Variants in AKT3 observed in about 807,000 individuals in gnomAD.
AKT3 encodes AKT serine/threonine kinase 3.
A neutral mutation model predicts 65.3 loss-of-function variants in AKT3; 15 were observed. The ratio of observed to expected loss-of-function variants is 0.23; its 90% confidence interval spans 0.15 to 0.35. The LOEUF is 0.35. Ranked by LOEUF, AKT3 falls within the 10% of genes least tolerant of loss-of-function variation. The pLI, the probability that AKT3 is intolerant of heterozygous loss-of-function variation, is 1.00. For missense variants in AKT3, 243 were observed against 576.5 expected, an observed-to-expected ratio of 0.42 and a Z score of 5.92; for synonymous variants, 206 against 183.8, an observed-to-expected ratio of 1.12 and a Z score of -0.98.
chr1:243,750,859 G>A (rs1159771450), intron 2 of AKT3, among the ~76,000 whole-genome samples: 1 of 151,920 alleles, frequency 6.6e-6, no homozygotes, highest in Admixed American at 6.6e-5. Context: ...TGGGATTACA[G>A]GTATGAGCCA....
intron 2 of AKT3, among the ~76,000 whole-genome samples, chr1:243,795,831 T>C (rs557387450): frequency 6.6e-6 from 1 of 152,100 alleles, no homozygotes; most frequent in Non-Finnish European, 1.5e-5. Flanking sequence ...TCCAGACAGC[T>C]CTTCATTAAT....
At chr1:243,752,785 C>T (rs1482396441) in intron 2 of AKT3, among the ~76,000 whole-genome samples, 1 of 152,104 alleles carries the variant, frequency 6.6e-6, no homozygotes, top group Non-Finnish European at 1.5e-5. Context: ...TCATAAAGGT[C>T]TATTAACAGT....
intron 11 of AKT3, chr1:243,548,108 G>C (rs1672801351): frequency 1.3e-5 from 2 of 152,146 alleles, no homozygotes; most frequent in South Asian, 4.1e-4. Context: ...GCTTGTGCTT[G>C]GGGAACCAGA....
At chr1:243,737,265 C>A (rs759030989) in intron 2 of AKT3, among the ~76,000 whole-genome samples, 3 of 152,162 alleles carry the variant, frequency 2.0e-5, no homozygotes. Flanking sequence ...GGGGTGATAG[C>A]GCTTTCCTCA....
At chr1:243,686,514 A>G (rs549914394) in intron 3 of AKT3, among the ~76,000 whole-genome samples, 9 of 150,750 alleles carry the variant, frequency 6.0e-5, no homozygotes, top group Non-Finnish European at 1.2e-4. Flanking sequence ...TCCTCACTCC[A>G]ATGTAATTTA....
chr1:243,489,724 G>C (rs972868628), intron 13 of AKT3, among the ~76,000 whole-genome samples: 8 of 152,140 alleles, frequency 5.3e-5, no homozygotes, highest in Admixed American at 2.0e-4. Flanking sequence ...TGTCTTCATG[G>C]TTTAGATAGG....
At chr1:243,623,707 T>C (rs190758882) in intron 6 of AKT3, among the ~76,000 whole-genome samples, 1 of 152,274 alleles carries the variant, frequency 6.6e-6, no homozygotes, top group East Asian at 1.9e-4. Context: ...AATTACACCA[T>C]CAGCTTCCCA....
intron 12 of AKT3, among the ~76,000 whole-genome samples, chr1:243,515,847 G>A (rs1424717586): frequency 3.9e-5 from 6 of 152,024 alleles, no homozygotes; most frequent in Admixed American, 1.3e-4. Flanking sequence ...AAAATTAGCC[G>A]GCTGTGGTGG....
At chr1:243,811,250 G>T (rs1252082516) in intron 2 of AKT3, among the ~76,000 whole-genome samples, 5 of 152,182 alleles carry the variant, frequency 3.3e-5, no homozygotes, top group Non-Finnish European at 7.3e-5. Context: ...ATTTGCAGAT[G>T]ACATGATTGT....
At chr1:243,795,468 T>G (rs1381420682) in intron 2 of AKT3, among the ~76,000 whole-genome samples, 2 of 99,142 alleles carry the variant, frequency 2.0e-5, no homozygotes, top group Non-Finnish European at 4.6e-5. Context: ...TTTTGTTTTT[T>G]TTTTTTGGTT....
intron 4 of AKT3, among the ~76,000 whole-genome samples, chr1:243,653,717 G>C (rs1007045072): frequency 1.3e-5 from 2 of 152,076 alleles, no homozygotes; most frequent in African/African-American, 2.4e-5. Context: ...TTGTGAAATT[G>C]CCCATTTTTA....
intron 3 of AKT3, among the ~76,000 whole-genome samples, chr1:243,690,116 T>C (rs1340086128): frequency 6.6e-6 from 1 of 151,998 alleles, no homozygotes; most frequent in Non-Finnish European, 1.5e-5. Flanking sequence ...TAGAATAAGG[T>C]AGAATTCTAG....
chr1:243,497,676 C>A (rs573705162), downstream of AKT3, among the ~76,000 whole-genome samples: 3 of 152,304 alleles, frequency 2.0e-5, no homozygotes, highest in East Asian at 5.8e-4. Flanking sequence ...TTCCGCAACA[C>A]ATTTTACTTT....
At chr1:243,563,232 G>A (rs2148487117) in intron 10 of AKT3, among the ~76,000 whole-genome samples, 1 of 152,024 alleles carries the variant, frequency 6.6e-6, no homozygotes, top group South Asian at 2.1e-4. Flanking sequence ...CTTAGCACAG[G>A]GAAGTTACCA....
intron 3 of AKT3, among the ~76,000 whole-genome samples, chr1:243,669,164 C>T (rs1487379467): frequency 1.3e-5 from 2 of 152,148 alleles, no homozygotes; most frequent in Non-Finnish European, 2.9e-5. Context: ...TTTTCAAAAG[C>T]CCTATTAAAT....
intron 8 of AKT3, among the ~76,000 whole-genome samples, chr1:243,590,282 G>A (rs775883581): frequency 2.0e-5 from 3 of 152,042 alleles, no homozygotes; most frequent in Non-Finnish European, 2.9e-5. Flanking sequence ...GGTGACAGAC[G>A]TATTCACTAA....
At chr1:243,797,016 T>C (rs960618692) in intron 2 of AKT3, among the ~76,000 whole-genome samples, 1 of 152,100 alleles carries the variant, frequency 6.6e-6, no homozygotes, top group Non-Finnish European at 1.5e-5. Flanking sequence ...GAGTTTCAGT[T>C]TCACAACATG....
chr1:243,538,130 T>C (rs998152837), intron 12 of AKT3, among the ~76,000 whole-genome samples: 1 of 152,170 alleles, frequency 6.6e-6, no homozygotes, highest in South Asian at 2.1e-4. Flanking sequence ...TTACCATGTA[T>C]TGTGGTGTTT....
At chr1:243,684,153 GTTT>G (rs907972658) in intron 3 of AKT3, among the ~76,000 whole-genome samples, 4 of 151,462 alleles carry the variant, frequency 2.6e-5, no homozygotes, top group Admixed American at 2.0e-4. Context: ...TTGTATAAAT[GTTT>G]TTTACTTTTT....
Sources: gnomAD v4.1 joint callset for allele counts (sites outside exome capture counted in the v4.1 genomes callset) on GRCh38, gnomAD v4.1.1 for gene constraint, MANE v1.5 for transcripts, NCBI Gene and HGNC (gene_info 2026-07-23, HGNC 2026-07-21) for gene names.